Variants in NXPH1 observed in about 807,000 individuals in gnomAD.
NXPH1 encodes neurexophilin 1.
NXPH1 carries 5 observed loss-of-function variants against 23.7 expected under a neutral mutation model. That is an observed-to-expected ratio of 0.21 (90% CI 0.11 to 0.44). The LOEUF is 0.44. Ranked by LOEUF, NXPH1 falls within the 20% of genes least tolerant of loss-of-function variation. The probability of loss-of-function intolerance (pLI) is 0.99; values close to 1 mark genes in which losing one functional copy is unlikely to be tolerated. For synonymous variants in NXPH1, 144 were observed against 122.2 expected (o/e 1.18, Z -1.18); for missense variants, 324 against 321.6 (o/e 1.01, Z -0.06).
chr7:8,490,002 A>G (rs1817223028), intron 2 of NXPH1, among the ~76,000 whole-genome samples: 1 of 152,040 alleles, frequency 6.6e-6, no homozygotes, highest in African/African-American at 2.4e-5. Context: ...GTTCTGCGGT[A>G]TCTTCAGTGG....
intron 2 of NXPH1, among the ~76,000 whole-genome samples, chr7:8,660,051 TTCA>T (rs1298085183): frequency 1.3e-5 from 2 of 152,218 alleles, no homozygotes; most frequent in African/African-American, 4.8e-5. Flanking sequence ...TGTGACTTTC[TTCA>T]TCTTGCAATA....
At chr7:8,695,365 A>G (rs533128165) in intron 2 of NXPH1, among the ~76,000 whole-genome samples, 74 of 152,324 alleles carry the variant, frequency 4.9e-4, no homozygotes, top group Non-Finnish European at 7.9e-4. Flanking sequence ...CCAGTTTTCA[A>G]TGCTAGAACT....
intron 2 of NXPH1, among the ~76,000 whole-genome samples, chr7:8,546,020 G>A (rs1478831584): frequency 6.6e-6 from 1 of 151,406 alleles, no homozygotes; most frequent in Non-Finnish European, 1.5e-5. Flanking sequence ...TGTAGCAAAA[G>A]GTCAGAACTC....
At chr7:8,521,368 A>G (rs1052213121) in intron 2 of NXPH1, among the ~76,000 whole-genome samples, 1 of 152,180 alleles carries the variant, frequency 6.6e-6, no homozygotes, top group Non-Finnish European at 1.5e-5. Flanking sequence ...CCAGTGCTAT[A>G]GTTCCCAGCC....
chr7:8,645,743 G>C (rs1308494869), intron 2 of NXPH1, among the ~76,000 whole-genome samples: 2 of 151,980 alleles, frequency 1.3e-5, no homozygotes, highest in Non-Finnish European at 2.9e-5. Context: ...GATCCATATG[G>C]AATTGAGTTT....
At chr7:8,536,402 G>T (rs1034321188) in intron 2 of NXPH1, among the ~76,000 whole-genome samples, 1 of 151,992 alleles carries the variant, frequency 6.6e-6, no homozygotes, top group Non-Finnish European at 1.5e-5. Context: ...AGCTAGCAAT[G>T]TCCTGTTGTT....
In NXPH1 at chr7:8,710,647, GTTTTT is replaced by G; in HGVS notation, c.55-40339_55-40335del. ...AAGCATGTCAACTGTTACGTTTTTT[GTTTTT>G]TTTTTTTTTTTTTTTTTTTTTGAGA... On this transcript the variant is annotated intron_variant, in intron 2 of 2. Transcript: ENST00000405863. Among the ~76,000 whole-genome samples, 2 of 51,722 alleles carry G rather than the reference GTTTTT, an allele frequency of 3.9e-5. 1 individual carries two copies. Among genetic ancestry groups the G allele is most frequent in the South Asian group, 1.1e-3 (2 of 1,886 alleles). The allele number at this position is 51,722 out of a possible 152,430, so 33.9% of individuals were successfully genotyped here.
At chr7:8,741,203 G>A (rs1780354506) in intron 2 of NXPH1, among the ~76,000 whole-genome samples, 1 of 152,128 alleles carries the variant, frequency 6.6e-6, no homozygotes. Flanking sequence ...CATCCATGCT[G>A]CTACAAATGA....
At chr7:8,487,573 C>A (rs1817179720) in intron 2 of NXPH1, among the ~76,000 whole-genome samples, 1 of 152,098 alleles carries the variant, frequency 6.6e-6, no homozygotes, top group Non-Finnish European at 1.5e-5. Context: ...TCTCTCTTGT[C>A]CTTCCATTTT....
intron 2 of NXPH1, among the ~76,000 whole-genome samples, chr7:8,716,716 G>A (rs1779884076): frequency 6.6e-6 from 1 of 152,102 alleles, no homozygotes; most frequent in Admixed American, 6.5e-5. Context: ...ACAATGAAGA[G>A]TACATGATTT....
At chr7:8,564,141 G>A (rs577397959) in intron 2 of NXPH1, among the ~76,000 whole-genome samples, 1 of 151,806 alleles carries the variant, frequency 6.6e-6, no homozygotes, top group East Asian at 2.0e-4. Flanking sequence ...CTCACTCCTT[G>A]GGCAGAAACA....
At chr7:8,472,228 A>G (rs1199810752) in intron 2 of NXPH1, among the ~76,000 whole-genome samples, 4 of 152,094 alleles carry the variant, frequency 2.6e-5, no homozygotes, top group Admixed American at 2.6e-4. Context: ...CTTCTGTTTG[A>G]CTTTGTTCAA....
chr7:8,495,745 A>G (rs1817322736), intron 2 of NXPH1, among the ~76,000 whole-genome samples: 1 of 152,064 alleles, frequency 6.6e-6, no homozygotes. Context: ...GACCACTCAG[A>G]GAATCTGAAA....
intron 2 of NXPH1, among the ~76,000 whole-genome samples, chr7:8,562,815 A>G (rs991606013): frequency 6.6e-6 from 1 of 151,740 alleles, no homozygotes; most frequent in African/African-American, 2.4e-5. Context: ...CATATATTTC[A>G]AAAAGATTGA....
chr7:8,735,618 C>G (rs900024826), intron 2 of NXPH1, among the ~76,000 whole-genome samples: 1 of 152,058 alleles, frequency 6.6e-6, no homozygotes, highest in African/African-American at 2.4e-5. Context: ...TGTGTCTCTG[C>G]CAGGTTTTGG....
intron 2 of NXPH1, among the ~76,000 whole-genome samples, chr7:8,711,893 G>T (rs1779801957): frequency 1.3e-5 from 2 of 152,324 alleles, no homozygotes; most frequent in Non-Finnish European, 2.9e-5. Context: ...TAGGGAAGCT[G>T]GGATAGAACA....
chr7:8,653,767 T>C lies in NXPH1; in HGVS notation c.55-97241T>C, dbSNP rs533427725. Among the ~76,000 whole-genome samples the C allele has an allele frequency of 6.6e-5, 10 of 152,346 alleles. No individual in the cohort carries two copies. The South Asian group carries it at 1.0e-3, about 16-fold the overall frequency. Reference sequence around the variant, plus strand: ...ATTATTAAATTGTTCTATAAGGTGATAGGAGAACTTTTCAGAGGAGTTTTC... The same window carrying C: ...ATTATTAAATTGTTCTATAAGGTGACAGGAGAACTTTTCAGAGGAGTTTTC... On this transcript the variant is annotated intron_variant, in intron 2 of 2. Coordinates refer to ENST00000405863, the MANE Select transcript of NXPH1 (RefSeq NM_152745.3).
rs6954674 is a variant in NXPH1, at chr7:8,610,260, A to G, written c.55-140748A>G. Among the ~76,000 whole-genome samples, 751 of 152,252 alleles carry G rather than the reference A, an allele frequency of 4.9e-3. 12 individuals are homozygous for G. Among genetic ancestry groups the G allele is most frequent in the African/African-American group, 0.017 (710 of 41,554 alleles). Reference sequence around the variant, plus strand: ...TGTGAATTAATGCATAGGTTGATATATGCAGAAAACCAAGCACTCTCCATA... The same window carrying G: ...TGTGAATTAATGCATAGGTTGATATGTGCAGAAAACCAAGCACTCTCCATA... On this transcript the variant is annotated intron_variant, in intron 2 of 2. Coordinates refer to ENST00000405863, the MANE Select transcript of NXPH1 (RefSeq NM_152745.3).
At chr7:8,466,958 C>T (rs767296859) in intron 2 of NXPH1, among the ~76,000 whole-genome samples, 18 of 152,028 alleles carry the variant, frequency 1.2e-4, no homozygotes, top group African/African-American at 2.7e-4. Context: ...TTAATTTTTC[C>T]AAACCATAGT....
Sources: allele counts gnomAD v4.1 joint callset (sites outside exome capture counted in the v4.1 genomes callset), GRCh38; gene constraint gnomAD v4.1.1; transcripts MANE v1.5; gene names NCBI Gene and HGNC (gene_info 2026-07-23, HGNC 2026-07-21).